The following MYO1C variants were observed in gnomAD, a reference collection of about 807,000 sequenced individuals.
The protein encoded by MYO1C is myosin IC.
A neutral mutation model predicts 150.8 loss-of-function variants in MYO1C; 104 were observed. The ratio of observed to expected loss-of-function variants is 0.69; its 90% CI spans 0.59 to 0.81. MYO1C has a LOEUF of 0.81. MYO1C is among the 30% of genes least tolerant of loss of function. The pLI, the probability that MYO1C is intolerant of heterozygous loss-of-function variation, is 0.00. For missense variants in MYO1C, 1,504 were observed against 1,435.0 expected (o/e 1.05, Z -0.78); for synonymous variants, 663 against 579.9 (o/e 1.14, Z -2.06).
chr17:1,484,912 G>A (rs1330811401), intron 1 of MYO1C: 3 of 432,896 alleles, frequency 6.9e-6, no homozygotes, highest in Non-Finnish European at 9.1e-6. Context: ...GTAGAGCGTC[G>A]AGCACCAAGC....
intron 1 of MYO1C, chr17:1,485,419 C>T (rs1019430431): frequency 3.2e-4 from 301 of 955,518 alleles, no homozygotes; most frequent in Non-Finnish European, 3.7e-4. Flanking sequence ...CGCGCCGAAG[C>T]GGCTGCCAAA....
intron 1 of MYO1C, among the ~76,000 whole-genome samples, chr17:1,488,111 G>A (rs188873452): frequency 6.6e-6 from 1 of 152,302 alleles, no homozygotes; most frequent in Non-Finnish European, 1.5e-5. Context: ...GCCAGCGGGG[G>A]CGCGGCCAGA....
chr17:1,470,863 G>T, intron 21 of MYO1C, 174 bp from the exon 22 acceptor site: 2 of 910,958 alleles, frequency 2.2e-6, no homozygotes, highest in Non-Finnish European at 3.4e-6. Context: ...GGGGGGCGGC[G>T]GGTGGGATGG....
intron 25 of MYO1C, chr17:1,469,195 G>A (rs2074243566): frequency 2.6e-6 from 1 of 388,872 alleles, no homozygotes; most frequent in Non-Finnish European, 4.9e-6. Flanking sequence ...CGGTAGGCGG[G>A]GTAAATATGG....
chr17:1,480,260 A>C (rs975302455), intron 7 of MYO1C, among the ~76,000 whole-genome samples: 1 of 151,650 alleles, frequency 6.6e-6, no homozygotes, highest in African/African-American at 2.4e-5. Flanking sequence ...CAGGCTGGCC[A>C]ACATGGTGAA....
rs777930957 is a variant in MYO1C, at chr17:1,470,616, C to T, written c.2281+5G>A. 2.2e-5 allele frequency: 35 copies of T among 1,611,562 alleles called. No homozygotes were observed. Among genetic ancestry groups the T allele is most frequent in the Admixed American group, 6.7e-5 (4 of 59,852 alleles). ...CCCCTCCTGAACACCCATGGGCCCG[C>T]GAACCTGATCTCTTCACCCGGAGGA... On this transcript the variant is annotated splice_donor_5th_base_variant and intron_variant, in intron 22 of 31. Coordinates refer to ENST00000648651, the MANE Select transcript of MYO1C (RefSeq NM_001080779.2).
At chr17:1,482,449 A>T in intron 5 of MYO1C, 29 bp downstream of exon 5, 3 of 1,598,740 alleles carry the variant, frequency 1.9e-6, no homozygotes, top group Non-Finnish European at 2.6e-6. Flanking sequence ...ACTGAATGGG[A>T]ATCCTCACGA....
intron 17 of MYO1C, among the ~76,000 whole-genome samples, 185 bp downstream of exon 17, chr17:1,474,425 C>T (rs1204063537): frequency 9.1e-6 from 1 of 109,702 alleles, no homozygotes; most frequent in East Asian, 2.5e-4. Flanking sequence ...GAGACCCTGT[C>T]TCAAAAAAAA....
In MYO1C at chr17:1,470,774, G is replaced by T. The variant is rs372689495; in HGVS notation, c.2213-85C>A. ...GCCGTGTGCGCTCCACGAGTGGCAT[G>T]AATGGGAGAGTGGCTGAAGGAACCA... is the stretch of plus-strand genomic sequence containing the variant. On this transcript the variant is annotated intron_variant, in intron 21 of 31. Transcript: ENST00000648651. 41 of 1,383,558 alleles carry T rather than the reference G, an allele frequency of 3.0e-5. No homozygotes were observed. The South Asian group carries it at 4.7e-4, about 16-fold the overall frequency. The allele number at this position is 1,383,558 out of a possible 1,614,324, so 85.7% of individuals were successfully genotyped here.
chr17:1,479,196 T>A lies in MYO1C; in HGVS notation c.1092+235A>T, dbSNP rs2074462315. 1.3e-5 allele frequency among the ~76,000 whole-genome samples: 2 copies of A among 152,162 alleles called. No homozygotes were observed. Among genetic ancestry groups the A allele is most frequent in the African/African-American group, 4.8e-5 (2 of 41,438 alleles). ...TCTTAGTAGATGGGGTTTCACCATG[T>A]TGGCCAAGATGGTCTCGAACTCCTG... is the stretch of plus-strand genomic sequence containing the variant. On this transcript the variant is annotated intron_variant, in intron 9 of 31. Coordinates refer to ENST00000648651, the MANE Select transcript of MYO1C (RefSeq NM_001080779.2). This position sits in a 1 kb window ranked among gnomAD's most constrained non-coding sequence, Gnocchi z 4.2.
chr17:1,478,314 T>TGG lies in MYO1C; in HGVS notation c.1295+94_1295+95dup. 1 of 1,556,676 alleles carries TGG rather than the reference T, an allele frequency of 6.4e-7. No individual in the cohort carries two copies. The highest frequency in any genetic ancestry group is 8.9e-7 in the Non-Finnish European group (1 of 1,128,238). On this transcript the variant is annotated intron_variant, in intron 11 of 31. Transcript: ENST00000648651. The surrounding 1 kb of genome is among the most constrained non-coding windows in gnomAD (Gnocchi z 6.3). ...AACACAGAGACAGTCCCCGGCTGGC[T>TGG]GGGGAGTCACAGGGCAGGAATGAGA...
intron 1 of MYO1C, among the ~76,000 whole-genome samples, chr17:1,489,324 T>C (rs2074704067): frequency 6.6e-6 from 1 of 152,216 alleles, no homozygotes; most frequent in South Asian, 2.1e-4. Flanking sequence ...CCATTCTAGC[T>C]ACACAACCAT....
intron 1 of MYO1C, chr17:1,486,182 T>C (rs1355927526): frequency 6.6e-6 from 1 of 152,266 alleles, no homozygotes; most frequent in Non-Finnish European, 1.5e-5. Context: ...AAGTTAAAAA[T>C]AGAACCAATG....
At chr17:1,490,302 C>G (rs553318173) in intron 1 of MYO1C, among the ~76,000 whole-genome samples, 1 of 150,722 alleles carries the variant, frequency 6.6e-6, no homozygotes, top group South Asian at 2.1e-4. Context: ...TTGAGACCAT[C>G]CTGGCTAACA....
chr17:1,484,332 CAG>C (rs1221471205), intron 1 of MYO1C, 29 bp from the exon 2 acceptor site: 3 of 1,605,216 alleles, frequency 1.9e-6, no homozygotes, highest in East Asian at 2.2e-5. Context: ...AGAAGAGGGT[CAG>C]AGTCATCGGG....
At chr17:1,485,824 C>A (rs1407723878) in intron 1 of MYO1C, 13 of 437,444 alleles carry the variant, frequency 3.0e-5, no homozygotes, top group Non-Finnish European at 3.9e-5. Flanking sequence ...CGCCCCCACC[C>A]GGGCCCCTGA....
intron 14 of MYO1C, among the ~76,000 whole-genome samples, chr17:1,477,101 A>G (rs2074415830): frequency 6.6e-6 from 1 of 151,904 alleles, no homozygotes; most frequent in African/African-American, 2.4e-5. Flanking sequence ...AGCCTCCCAA[A>G]GTGCTAGGAT....
intron 1 of MYO1C, chr17:1,485,013 A>G (rs995249861): frequency 2.4e-5 from 22 of 903,232 alleles, no homozygotes; most frequent in Middle Eastern, 7.8e-4. Flanking sequence ...AACGCGGGGG[A>G]GGCCCTCCCT....
At chr17:1,467,045 A>G (rs923855133) in intron 31 of MYO1C, among the ~76,000 whole-genome samples, 197 bp downstream of exon 31, 1 of 152,184 alleles carries the variant, frequency 6.6e-6, no homozygotes, top group Non-Finnish European at 1.5e-5. Context: ...GGCATGAGCC[A>G]CCGTGCTGCC....
Sources: allele counts gnomAD v4.1 joint callset (sites outside exome capture counted in the v4.1 genomes callset), GRCh38; gene constraint gnomAD v4.1.1; non-coding constraint Gnocchi (gnomAD v3.1); transcripts MANE v1.5; gene names NCBI Gene and HGNC (gene_info 2026-07-23, HGNC 2026-07-21).